Variants in NSD3 observed in about 807,000 individuals in gnomAD.
NSD3 encodes nuclear receptor binding SET domain protein 3.
A neutral mutation model predicts 160.8 loss-of-function variants in NSD3; 24 were observed. The observed-to-expected ratio is 0.15, with a 90% CI of 0.11 to 0.21. The LOEUF (loss-of-function observed/expected upper bound fraction) is 0.21. Among genes scored for constraint, NSD3 ranks in the 10% least tolerant of loss-of-function variants. The pLI is 1.00. For synonymous variants in NSD3, 520 were observed against 600.0 expected, an observed-to-expected ratio of 0.87 and a Z score of 1.95; for missense variants, 1,157 against 1,735.9, an observed-to-expected ratio of 0.67 and a Z score of 5.93.
chr8:38,275,500 T>C lies in NSD3; in HGVS notation c.*141A>G, dbSNP rs979235943. ...CCAGACACCACCAACTGCTTCTGCC[T>C]GCATGAACTGGTTTCCCATTTTTGC... is the stretch of plus-strand genomic sequence containing the variant. On this transcript the variant is annotated 3_prime_UTR_variant, in exon 24 of 24. Coordinates refer to ENST00000317025, the MANE Select transcript of NSD3 (RefSeq NM_023034.2). 6 of 751,112 alleles carry C rather than the reference T, an allele frequency of 8.0e-6. No homozygotes were observed. The highest frequency in any genetic ancestry group is 1.3e-5 in the Non-Finnish European group (6 of 472,630). The allele number at this position is 751,112 out of a possible 1,614,324, so 46.5% of individuals were successfully genotyped here.
Position 38,296,735 on chromosome 8 carries a change from A to C in NSD3, c.2759-783T>G, listed in dbSNP as rs148353851. Among the ~76,000 whole-genome samples, 263 of 150,868 alleles carry C rather than the reference A, an allele frequency of 1.7e-3. 1 individual carries two copies. The highest frequency in any genetic ancestry group is 2.1e-3 in the South Asian group (10 of 4,728). Reference sequence around the variant, plus strand: ...GTGTGTATGTGTGTGTATTCTCTCTATATATATACATATACAGAGAATATA... The same window carrying C: ...GTGTGTATGTGTGTGTATTCTCTCTCTATATATACATATACAGAGAATATA... On this transcript the variant is annotated intron_variant, in intron 15 of 23. Coordinates refer to ENST00000317025, the MANE Select transcript of NSD3 (RefSeq NM_023034.2).
At chr8:38,355,904 C>G (rs534308125) in intron 1 of NSD3, among the ~76,000 whole-genome samples, 5 of 152,178 alleles carry the variant, frequency 3.3e-5, no homozygotes, top group Non-Finnish European at 5.9e-5. Context: ...CCAGTATGAT[C>G]AAATAACTTG....
chr8:38,276,123 GAGGA>G (rs1417280550), intron 23 of NSD3, among the ~76,000 whole-genome samples, 169 bp downstream of exon 23: 3 of 152,224 alleles, frequency 2.0e-5, no homozygotes, highest in African/African-American at 7.2e-5. Flanking sequence ...ACCAATCCTT[GAGGA>G]ACCACAAGGT....
intron 14 of NSD3, chr8:38,303,323 G>C: frequency 1.0e-6 from 1 of 985,296 alleles, no homozygotes; most frequent in Non-Finnish European, 1.2e-6. Context: ...CACCTGTTAC[G>C]ATATAGCAGG....
chr8:38,351,025 A>G (rs981621287), intron 1 of NSD3, among the ~76,000 whole-genome samples: 9 of 146,180 alleles, frequency 6.2e-5, no homozygotes, highest in African/African-American at 2.0e-4. Context: ...AGGTTGGAGT[A>G]CAGTGGTGCA....
At chr8:38,349,936 T>C (rs578199166) in intron 1 of NSD3, among the ~76,000 whole-genome samples, 1 of 151,606 alleles carries the variant, frequency 6.6e-6, no homozygotes, top group South Asian at 2.1e-4. Context: ...ACATACAGTG[T>C]TTGGTTTTTT....
chr8:38,329,234 G>T lies in NSD3; in HGVS notation c.1581+144C>A. On this transcript the variant is annotated intron_variant, in intron 6 of 23. Transcript: ENST00000317025. This position sits in a 1 kb window ranked among gnomAD's most constrained non-coding sequence, Gnocchi z 4.8. ...CATAGCCTTTTTGCCTGTCTTTTTT[G>T]CCCACAGAGTACAATGACTGTATGT... 1.0e-6 allele frequency: 1 copy of T among 996,112 alleles called. No individual in the cohort carries two copies. The highest frequency in any genetic ancestry group is 1.4e-6 in the Non-Finnish European group (1 of 693,630). 61.7% of individuals were successfully genotyped at this position (996,112 alleles called of 1,614,324 possible). A position where few individuals can be genotyped will look rare whatever the true frequency, so the allele number is the denominator to read the frequency against.
Position 38,348,010 on chromosome 8 carries a change from C to T in NSD3, c.162G>A (p.Gln54=). ...GGQTPYEATL[Q]QGFQYPATTE... ...TTGTAGCTGGGTACTGAAAGCCTTG[C>T]TGCAAAGTAGCTTCATATGGTGTCT... The change falls in exon 2 of 24, where the codon CAG becomes CAA. Residue 54 remains glutamine, a synonymous_variant. Transcript: ENST00000317025. The T allele has an allele frequency of 6.2e-7, 1 of 1,614,182 alleles. No individual in the cohort carries two copies. The highest frequency in any genetic ancestry group is 1.1e-5 in the South Asian group (1 of 91,084).
At chr8:38,295,482 A>C (rs1809113281) in intron 16 of NSD3, among the ~76,000 whole-genome samples, 1 of 152,152 alleles carries the variant, frequency 6.6e-6, no homozygotes, top group African/African-American at 2.4e-5. Context: ...GGATGGCTTC[A>C]GCCAGCAGGT....
chr8:38,300,513 G>A (rs1337390336), intron 14 of NSD3, among the ~76,000 whole-genome samples: 2 of 152,028 alleles, frequency 1.3e-5, no homozygotes, highest in East Asian at 3.8e-4. Flanking sequence ...ACTTTACTGA[G>A]GTAATGCAAA....
At chr8:38,330,187 G>GAA (rs1810021819) in intron 5 of NSD3, among the ~76,000 whole-genome samples, 1 of 152,120 alleles carries the variant, frequency 6.6e-6, no homozygotes. Context: ...GATAATGAGG[G>GAA]AAAAGAGAAC....
chr8:38,374,673 G>T (rs1811344606), intron 1 of NSD3, among the ~76,000 whole-genome samples: 1 of 152,092 alleles, frequency 6.6e-6, no homozygotes, highest in South Asian at 2.1e-4. Flanking sequence ...GCCTGAAGGG[G>T]TCTCTGAAAT....
intron 1 of NSD3, among the ~76,000 whole-genome samples, chr8:38,378,765 T>A (rs1397359579): frequency 1.3e-5 from 2 of 151,242 alleles, no homozygotes; most frequent in African/African-American, 4.9e-5. Context: ...GGAGGTTGTA[T>A]TGAACCGAGA....
chr8:38,369,050 G>A (rs1811173934), intron 1 of NSD3, among the ~76,000 whole-genome samples: 1 of 152,074 alleles, frequency 6.6e-6, no homozygotes. Flanking sequence ...TGCCAAAGAT[G>A]ATATGTAGTT....
At chr8:38,358,171 C>A (rs1326389528) in intron 1 of NSD3, among the ~76,000 whole-genome samples, 1 of 152,074 alleles carries the variant, frequency 6.6e-6, no homozygotes, top group East Asian at 1.9e-4. Flanking sequence ...TTGTAGTTAA[C>A]TGAATCAGCA....
Position 38,288,511 on chromosome 8 carries a change from G to A in NSD3, c.3477C>T (p.Leu1159=), listed in dbSNP as rs780020429. ...CCTTCTTAATGCTCCTTTTGGTCCTGAGGCCCCAGCCTCTCCGCTCCGTTT... is the reference window on the plus strand; with the variant it reads ...CCTTCTTAATGCTCCTTTTGGTCCTAAGGCCCCAGCCTCTCCGCTCCGTTT... ...IIKTERRGWG[L]RTKRSIKKGE... The change falls in exon 19 of 24, where the codon CTC becomes CTT. Residue 1159 remains leucine (L), a synonymous_variant. Transcript: ENST00000317025. This position sits in a 1 kb window ranked among gnomAD's most constrained non-coding sequence, Gnocchi z 4.5. 10 of 1,613,978 alleles carry A rather than the reference G, an allele frequency of 6.2e-6. No individual in the cohort carries two copies. The East Asian group carries it at 1.8e-4, about 29-fold the overall frequency.
Position 38,319,192 on chromosome 8 carries a change from T to G in NSD3, c.1810-252A>C. The stretch of plus-strand genomic sequence containing the variant: ...TCTCTAGCAAAGACTTTTCCCACCA[T>G]TCCCTTGGTATATGAAGAGAACAAG... On this transcript the variant is annotated intron_variant, in intron 8 of 23. Transcript: ENST00000317025. This position sits in a 1 kb window ranked among gnomAD's most constrained non-coding sequence, Gnocchi z 4.1. 4.9e-6 allele frequency: 2 copies of G among 409,760 alleles called. No individual in the cohort carries two copies. Among genetic ancestry groups the G allele is most frequent in the Non-Finnish European group, 4.4e-6 (1 of 229,588 alleles). 25.4% of individuals were successfully genotyped at this position (409,760 alleles called of 1,614,324 possible). A position where few individuals can be genotyped will look rare whatever the true frequency, so the allele number is the denominator to read the frequency against.
At chr8:38,356,566 A>G (rs892250227) in intron 1 of NSD3, among the ~76,000 whole-genome samples, 2 of 152,158 alleles carry the variant, frequency 1.3e-5, no homozygotes, top group Non-Finnish European at 2.9e-5. Flanking sequence ...TAAAAAAAAG[A>G]GCAAGAGGGA....
At chr8:38,280,971 G>T (rs1808720981) in intron 20 of NSD3, among the ~76,000 whole-genome samples, 1 of 152,030 alleles carries the variant, frequency 6.6e-6, no homozygotes, top group African/African-American at 2.4e-5. Context: ...GCACAGGCTG[G>T]TCTCAAACTC....
Sources: allele counts gnomAD v4.1 joint callset (sites outside exome capture counted in the v4.1 genomes callset), GRCh38; gene constraint gnomAD v4.1.1; non-coding constraint Gnocchi (gnomAD v3.1); transcripts MANE v1.5; gene names NCBI Gene and HGNC (gene_info 2026-07-23, HGNC 2026-07-21).